PTPN2: variants seen among roughly 807,000 people sequenced by gnomAD.
PTPN2 encodes protein tyrosine phosphatase non-receptor type 2.
Under a neutral mutation model 57.3 loss-of-function variants are expected in PTPN2, and 19 were observed. The observed-to-expected ratio is 0.33, with a 90% confidence interval of 0.23 to 0.49. The LOEUF (loss-of-function observed/expected upper bound fraction) is 0.49, where lower values mean the gene tolerates loss of function less well. Ranked by LOEUF, PTPN2 falls within the 20% of genes least tolerant of loss-of-function variation. PTPN2 has a pLI of 0.99. For missense variants in PTPN2, 358 were observed against 501.1 expected (o/e 0.71, Z 2.73); for synonymous variants, 153 against 164.9 (o/e 0.93, Z 0.55).
chr18:12,804,941 C>T (rs1329964788), intron 7 of PTPN2, among the ~76,000 whole-genome samples: 3 of 152,110 alleles, frequency 2.0e-5, no homozygotes, highest in Non-Finnish European at 4.4e-5. Flanking sequence ...GGCCAATATC[C>T]TTGATGAATA....
At chr18:12,786,250 C>T (rs2040841064) in intron 9 of PTPN2, 2 of 176,246 alleles carry the variant, frequency 1.1e-5, no homozygotes, top group Non-Finnish European at 2.4e-5. Flanking sequence ...CTTTGGAATT[C>T]AATGCAAAAG....
In PTPN2 at chr18:12,814,080, G is replaced by A. The variant is rs536215639; in HGVS notation, c.858+123C>T. ...TTTACAATTTTAAGACAGCCAGCTG[G>A]ATTTACCACAAAAATTCAAATACAC... On this transcript the variant is annotated intron_variant, in intron 7 of 8. Transcript: ENST00000309660. The A allele has an allele frequency of 1.1e-3, 887 of 796,280 alleles. 1 individual carries two copies. The highest frequency in any genetic ancestry group is 1.4e-3 in the Non-Finnish European group (749 of 518,892). The allele number at this position is 796,280 out of a possible 1,614,324, so 49.3% of individuals were successfully genotyped here. A position where few individuals can be genotyped will look rare whatever the true frequency, so the allele number is the denominator to read the frequency against.
chr18:12,802,114 G>A lies in PTPN2; in HGVS notation c.896C>T (p.Pro299Leu). 6.2e-7 allele frequency: 1 copy of A among 1,611,320 alleles called. No individual in the cohort carries two copies. The highest frequency in any genetic ancestry group is 8.5e-7 in the Non-Finnish European group (1 of 1,178,688). Residue 299 changes from proline (P) to leucine (L), a missense_variant, in exon 8 of 9, where the codon CCT becomes CTT. By Grantham distance (98) the Pro-to-Leu change is moderately conservative. This residue lies in a region of PTPN2 where 193 missense variants were observed against 315.4 expected (regional missense o/e 0.61). Transcript: ENST00000309660. ...TTTGTTTGGTGAATGATCAAAGGCAGGAGATAAGTCTTCCTTAGAAAGTTC... is the reference window on the plus strand; with the variant it reads ...TTTGTTTGGTGAATGATCAAAGGCAAGAGATAAGTCTTCCTTAGAAAGTTC... The part of the protein sequence containing the change: ...WKELSKEDLS[P>L]AFDHSPNKIM...
At chr18:12,870,441 G>GTATATA (rs577107678) in intron 1 of PTPN2, among the ~76,000 whole-genome samples, 2 of 24,576 alleles carry the variant, frequency 8.1e-5, no homozygotes, top group Admixed American at 1.3e-3. Context: ...ATATATATGT[G>GTATATA]TATATATATA....
At chr18:12,799,609 G>A (rs1227176162) in intron 8 of PTPN2, among the ~76,000 whole-genome samples, 1 of 148,440 alleles carries the variant, frequency 6.7e-6, no homozygotes, top group African/African-American at 2.5e-5. Context: ...TTTGAGATAA[G>A]AGTCTTGCTC....
At chr18:12,786,688 C>T (rs1254093321) in intron 9 of PTPN2, 4 of 152,148 alleles carry the variant, frequency 2.6e-5, no homozygotes, top group Non-Finnish European at 5.9e-5. Context: ...TGTATCTTCA[C>T]ATATATATTA....
chr18:12,866,045 A>C (rs758105527), intron 1 of PTPN2, among the ~76,000 whole-genome samples: 16 of 152,254 alleles, frequency 1.1e-4, no homozygotes, highest in Non-Finnish European at 1.6e-4. Context: ...ATGGATAAAC[A>C]AAATGGTATA....
At chr18:12,802,259 A>G (rs2041459879) in intron 7 of PTPN2, 108 bp from the exon 8 acceptor site, 3 of 874,002 alleles carry the variant, frequency 3.4e-6, no homozygotes, top group Non-Finnish European at 5.1e-6. Context: ...AGAAAACCCA[A>G]TGATGCTAAA....
rs1568101581 is a variant in PTPN2 at position 12,814,209 on chromosome 18, A to C, written c.852T>G (p.Ser284Arg). Reference protein sequence around the residue: ...EGAKCIKGDSSIQKRWKELSK... With the variant: ...EGAKCIKGDSRIQKRWKELSK... Reference sequence around the variant, plus strand: ...AAACCTGTATGAAGTTTACCTGTATACTAGAATCTCCCTTTATACATTTTG... The same window carrying C: ...AAACCTGTATGAAGTTTACCTGTATCCTAGAATCTCCCTTTATACATTTTG... Residue 284 changes from serine to arginine, a missense_variant, in exon 7 of 9, where the codon AGT (serine) becomes AGG (arginine). This residue lies in a region of PTPN2 where 193 missense variants were observed against 315.4 expected (regional missense o/e 0.61). Transcript: ENST00000309660. 1.3e-6 allele frequency: 2 copies of C among 1,584,342 alleles called. No homozygotes were observed. Among genetic ancestry groups the C allele is most frequent in the South Asian group, 1.1e-5 (1 of 88,516 alleles).
At chr18:12,814,905 G>C (rs900991900) in intron 6 of PTPN2, among the ~76,000 whole-genome samples, 1 of 151,596 alleles carries the variant, frequency 6.6e-6, no homozygotes, top group Non-Finnish European at 1.5e-5. Context: ...CCAACATCGC[G>C]AAATGCCATC....
chr18:12,838,842 C>T (rs2042955645), intron 2 of PTPN2, among the ~76,000 whole-genome samples: 1 of 151,850 alleles, frequency 6.6e-6, no homozygotes, highest in South Asian at 2.1e-4. Flanking sequence ...ACCTACATCA[C>T]TAGATATTAT....
intron 7 of PTPN2, among the ~76,000 whole-genome samples, chr18:12,808,312 T>C (rs994212830): frequency 1.5e-5 from 2 of 135,894 alleles, no homozygotes; most frequent in Non-Finnish European, 3.4e-5. Flanking sequence ...CATAATAATA[T>C]ATAATTAAAT....
chr18:12,851,594 C>T (rs1402956897), intron 2 of PTPN2, among the ~76,000 whole-genome samples: 2 of 152,090 alleles, frequency 1.3e-5, no homozygotes, highest in Non-Finnish European at 2.9e-5. Flanking sequence ...CAATTTCTCC[C>T]CAAAATTCTA....
At chr18:12,850,341 T>G (rs1330644847) in intron 2 of PTPN2, among the ~76,000 whole-genome samples, 1 of 151,858 alleles carries the variant, frequency 6.6e-6, no homozygotes, top group African/African-American at 2.4e-5. Flanking sequence ...AACACAAAAT[T>G]AGCCAGGCCT....
intron 2 of PTPN2, among the ~76,000 whole-genome samples, chr18:12,838,694 T>A (rs563755532): frequency 2.6e-5 from 4 of 152,186 alleles, no homozygotes; most frequent in Non-Finnish European, 5.9e-5. Context: ...CAGGAAAATT[T>A]TTTTTTATTT....
At chr18:12,801,853 T>C (rs746066175) in intron 8 of PTPN2, 117 bp downstream of exon 8, 34 of 1,011,664 alleles carry the variant, frequency 3.4e-5, no homozygotes, top group Middle Eastern at 5.4e-4. Flanking sequence ...ACAGGCGTGA[T>C]TGTATTTTCC....
intron 2 of PTPN2, among the ~76,000 whole-genome samples, chr18:12,845,694 C>G (rs1598838375): frequency 6.6e-6 from 1 of 152,170 alleles, no homozygotes; most frequent in East Asian, 1.9e-4. Context: ...CATGTACTGG[C>G]TAGGATTCAG....
chr18:12,830,884 C>A, intron 4 of PTPN2, 59 bp downstream of exon 4: 1 of 1,301,354 alleles, frequency 7.7e-7, no homozygotes, highest in Non-Finnish European at 1.1e-6. Flanking sequence ...AAATGAAAAT[C>A]TTTATATGCT....
intron 1 of PTPN2, chr18:12,864,237 T>C (rs2043917645): frequency 6.6e-6 from 1 of 152,142 alleles, no homozygotes; most frequent in South Asian, 2.1e-4. Context: ...CTTAGCTGTA[T>C]TTGAAACTTA....
Sources: gnomAD v4.1 joint callset for allele counts (sites outside exome capture counted in the v4.1 genomes callset) on GRCh38, gnomAD v4.1.1 for gene constraint, gnomAD v4.1.1 regional missense constraint, MANE v1.5 for transcripts, NCBI Gene and HGNC (gene_info 2026-07-23, HGNC 2026-07-21) for gene names.